MAGI1: variants seen among roughly 807,000 people sequenced by gnomAD.
MAGI1 encodes membrane-associated guanylate kinase, WW and PDZ domain-containing protein 1.
In MAGI1, 58 loss-of-function variants were observed where a neutral mutation model predicts 139.9. That is an observed-to-expected ratio of 0.41 (90% CI 0.34 to 0.52). The LOEUF (loss-of-function observed/expected upper bound fraction) is 0.52. Ranked by LOEUF, MAGI1 falls within the 20% of genes least tolerant of loss-of-function variation. The pLI, the probability that MAGI1 is intolerant of heterozygous loss-of-function variation, is 0.12. For missense variants in MAGI1, 1,874 were observed against 1,901.6 expected, an observed-to-expected ratio of 0.99 and a Z score of 0.27; for synonymous variants, 812 against 737.9, an observed-to-expected ratio of 1.10 and a Z score of -1.63.
intron 2 of MAGI1, among the ~76,000 whole-genome samples, chr3:65,606,638 C>T (rs2082757430): frequency 6.6e-6 from 1 of 152,300 alleles, no homozygotes; most frequent in East Asian, 1.9e-4. Context: ...CTGCTTAGGC[C>T]TCCTGAGTAG....
At chr3:65,671,555 T>C (rs1056556536) in intron 1 of MAGI1, among the ~76,000 whole-genome samples, 1 of 152,178 alleles carries the variant, frequency 6.6e-6, no homozygotes, top group Admixed American at 6.5e-5. Context: ...ATGCCTAGGG[T>C]ATATTTTTAA....
intron 1 of MAGI1, among the ~76,000 whole-genome samples, chr3:65,769,690 T>G (rs1209793399): frequency 2.6e-5 from 4 of 152,108 alleles, no homozygotes; most frequent in African/African-American, 9.7e-5. Context: ...GATGATAAGA[T>G]GTAGATGTTG....
At chr3:65,457,638 C>A (rs942457532) in intron 5 of MAGI1, among the ~76,000 whole-genome samples, 1 of 151,832 alleles carries the variant, frequency 6.6e-6, no homozygotes, top group Non-Finnish European at 1.5e-5. Flanking sequence ...TATAGATATA[C>A]ACTTGCTATT....
intron 1 of MAGI1, among the ~76,000 whole-genome samples, chr3:65,842,913 T>C (rs929972402): frequency 8.5e-5 from 13 of 152,258 alleles, no homozygotes; most frequent in African/African-American, 2.9e-4. Context: ...GTGGCTTTTC[T>C]CTTACACTTT....
At chr3:65,480,587 T>A (rs1179773417) in intron 3 of MAGI1, among the ~76,000 whole-genome samples, 1 of 7,044 alleles carries the variant, frequency 1.4e-4, no homozygotes, top group Non-Finnish European at 5.6e-4. Context: ...TAAGGTTTCT[T>A]TTTTTTTTTT....
At chr3:65,730,186 G>A (rs545108892) in intron 1 of MAGI1, among the ~76,000 whole-genome samples, 2 of 150,948 alleles carry the variant, frequency 1.3e-5, no homozygotes, top group East Asian at 3.9e-4. Context: ...GCTTTTGGCT[G>A]CAAATAAGAG....
In MAGI1 at chr3:65,430,910, A is replaced by T. The variant is rs779828756; in HGVS notation, c.1364-29T>A. 11 of 1,596,926 alleles carry T rather than the reference A, an allele frequency of 6.9e-6. No homozygotes were observed. The African/African-American group carries it at 1.3e-4, about 20-fold the overall frequency. The stretch of plus-strand genomic sequence containing the variant: ...GATTAAAATAAGAAACGCATAAGGA[A>T]TGTCACCACTGGTGAAAAGGAGAAT... On this transcript the variant is annotated intron_variant, in intron 10 of 22. Transcript: ENST00000402939.
intron 1 of MAGI1, among the ~76,000 whole-genome samples, chr3:65,730,793 A>C (rs2034106397): frequency 6.6e-6 from 1 of 152,232 alleles, no homozygotes; most frequent in Non-Finnish European, 1.5e-5. Flanking sequence ...AAAAGAAAAA[A>C]GTAATAGTTC....
intron 1 of MAGI1, among the ~76,000 whole-genome samples, chr3:65,943,379 G>T (rs552085859): frequency 2.0e-5 from 3 of 152,150 alleles, no homozygotes; most frequent in Admixed American, 1.3e-4. Flanking sequence ...TTTGAGACCA[G>T]CCTGGCCAAC....
Position 65,353,972 on chromosome 3 carries a change from A to G in MAGI1, c.*2406T>C, listed in dbSNP as rs1354084933. On this transcript the variant is annotated 3_prime_UTR_variant, in exon 23 of 23. Coordinates refer to ENST00000402939, the MANE Select transcript of MAGI1 (RefSeq NM_001033057.2). ...CAGGTGGGTAGCACATAGATTTTAA[A>G]TTGCCAAATATCATCTTACAACAAG... The G allele has an allele frequency of 1.3e-5, 2 of 152,260 alleles. No individual in the cohort carries two copies. Among genetic ancestry groups the G allele is most frequent in the Non-Finnish European group, 2.9e-5 (2 of 68,048 alleles). The allele number at this position is 152,260 out of a possible 1,614,324, so 9.4% of individuals were successfully genotyped here.
At chr3:65,595,750 G>C (rs2082161050) in intron 2 of MAGI1, among the ~76,000 whole-genome samples, 1 of 123,890 alleles carries the variant, frequency 8.1e-6, no homozygotes, top group Non-Finnish European at 1.6e-5. Flanking sequence ...GAAATATACA[G>C]CCTAAGAAAG....
intron 1 of MAGI1, among the ~76,000 whole-genome samples, chr3:65,678,919 G>T (rs1359000520): frequency 6.6e-6 from 1 of 152,004 alleles, no homozygotes; most frequent in Non-Finnish European, 1.5e-5. Context: ...TTTTCTATCC[G>T]CATTGACACC....
At chr3:65,360,027 A>G (rs1234857945) in intron 22 of MAGI1, 2 of 985,370 alleles carry the variant, frequency 2.0e-6, no homozygotes, top group Non-Finnish European at 2.4e-6. Flanking sequence ...GGCCATGTCT[A>G]TAGGGGCCTT....
intron 1 of MAGI1, among the ~76,000 whole-genome samples, chr3:65,756,078 G>A (rs144468549): frequency 2.5e-3 from 384 of 152,250 alleles, no homozygotes; most frequent in South Asian, 0.012. Context: ...CACAATGTTC[G>A]TGAAGTTAAA....
intron 1 of MAGI1, among the ~76,000 whole-genome samples, chr3:65,859,919 T>G (rs1290768374): frequency 6.6e-6 from 1 of 151,062 alleles, no homozygotes; most frequent in Non-Finnish European, 1.5e-5. Context: ...TTTTTTTTTT[T>G]GAGACACAAT....
chr3:65,599,173 G>T (rs1269837555), intron 2 of MAGI1, among the ~76,000 whole-genome samples: 5 of 152,206 alleles, frequency 3.3e-5, no homozygotes, highest in African/African-American at 1.2e-4. Flanking sequence ...CTCTTTCTGG[G>T]GTATGTTGGG....
chr3:65,446,084 G>C (rs1948657928), intron 7 of MAGI1, among the ~76,000 whole-genome samples: 1 of 152,050 alleles, frequency 6.6e-6, no homozygotes, highest in African/African-American at 2.4e-5. Context: ...AACACATTTG[G>C]GCCATTTCTA....
intron 1 of MAGI1, chr3:65,844,397 G>T: frequency 1.5e-5 from 5 of 343,418 alleles, no homozygotes; most frequent in South Asian, 1.3e-4. Context: ...CAGAAGAAAA[G>T]GATATCCCAG....
At chr3:65,698,836 A>G (rs1307105408) in intron 1 of MAGI1, among the ~76,000 whole-genome samples, 1 of 139,894 alleles carries the variant, frequency 7.1e-6, no homozygotes, top group Non-Finnish European at 1.5e-5. Context: ...CATGTCCAAA[A>G]CACCAAAAGC....
Sources: gnomAD v4.1 joint callset for allele counts (sites outside exome capture counted in the v4.1 genomes callset) on GRCh38, gnomAD v4.1.1 for gene constraint, MANE v1.5 for transcripts, NCBI Gene and HGNC (gene_info 2026-07-23, HGNC 2026-07-21) for gene names.